Variants in KLF16 observed in about 807,000 individuals in gnomAD.
The protein encoded by KLF16 is Krueppel-like factor 16.
Under a neutral mutation model 6.1 loss-of-function variants are expected in KLF16, and 6 were observed. The ratio of observed to expected loss-of-function variants is 0.98; its 90% CI spans 0.54 to 1.93. The LOEUF is 1.93. Among genes scored for constraint, KLF16 ranks in the 30% most tolerant of loss-of-function variants. KLF16 has a pLI of 0.01. For synonymous variants in KLF16, 211 were observed against 176.5 expected (o/e 1.20, Z -1.55); for missense variants, 355 against 363.8 (o/e 0.98, Z 0.20).
the KLF16 span, among the ~76,000 whole-genome samples, chr19:1,872,872 T>G: frequency 6.6e-6 from 1 of 151,942 alleles, no homozygotes. Flanking sequence ...GACCAGGGGC[T>G]TGTGCTGGCC....
chr19:1,874,068 T>C, the KLF16 span, among the ~76,000 whole-genome samples: 5 of 152,372 alleles, frequency 3.3e-5, no homozygotes, highest in South Asian at 4.1e-4. Context: ...TCACAGTGTC[T>C]TGTGGAACTA....
At chr19:1,865,662 G>C (rs2012176920), upstream of KLF16, among the ~76,000 whole-genome samples, 1 of 152,132 alleles carries the variant, frequency 6.6e-6, no homozygotes, top group South Asian at 2.1e-4. Flanking sequence ...TCAAGTGAGT[G>C]GCCTCATCTG....
At chr19:1,864,035 T>A (rs2012137516), upstream of KLF16, among the ~76,000 whole-genome samples, 1 of 122,400 alleles carries the variant, frequency 8.2e-6, no homozygotes, top group South Asian at 2.9e-4. Flanking sequence ...ACGCCCCTCC[T>A]TCCGAGAGCG....
intron 1 of KLF16, among the ~76,000 whole-genome samples, chr19:1,856,950 C>CGGGGGGGGCG: frequency 2.3e-5 from 1 of 43,262 alleles, no homozygotes; most frequent in East Asian, 7.8e-4. Flanking sequence ...AGCAGGTTGC[C>CGGGGGGGGCG]GGGGTGGGGG....
chr19:1,854,796 G>A (rs199533995), intron 1 of KLF16, 36 bp from the exon 2 acceptor site: 4 of 1,590,572 alleles, frequency 2.5e-6, no homozygotes, highest in East Asian at 2.2e-5. Context: ...GCGGGTCAGC[G>A]GGGGCGGGGG....
chr19:1,875,008 G>A, the KLF16 span: 1 of 152,208 alleles, frequency 6.6e-6, no homozygotes, highest in South Asian at 2.1e-4. Context: ...TATACTTACA[G>A]GAAACACAAG....
At chr19:1,871,335 G>A in the KLF16 span, among the ~76,000 whole-genome samples, 1 of 152,152 alleles carries the variant, frequency 6.6e-6, no homozygotes, top group Non-Finnish European at 1.5e-5. Flanking sequence ...GCCGTAGCAG[G>A]AGGGACTGGA....
At chr19:1,866,485 A>G (rs2012190364), upstream of KLF16, among the ~76,000 whole-genome samples, 1 of 151,592 alleles carries the variant, frequency 6.6e-6, no homozygotes, top group African/African-American at 2.4e-5. Flanking sequence ...CTGGTGGCGC[A>G]TGCCTGTAAT....
rs2011883664 is a variant in KLF16, at chr19:1,853,663, G to A, written c.*796C>T. Reference sequence around the variant, plus strand: ...AGCCTCTCTCACCCACCCACCCAGAGAGGGCGAGCTAGGGCCCCCACACCC... The same window carrying A: ...AGCCTCTCTCACCCACCCACCCAGAAAGGGCGAGCTAGGGCCCCCACACCC... On this transcript the variant is annotated 3_prime_UTR_variant, in exon 2 of 2. Transcript: ENST00000250916. The A allele has an allele frequency of 6.5e-6, 1 of 152,726 alleles. No individual in the cohort carries two copies. The highest frequency in any genetic ancestry group is 1.5e-5 in the Non-Finnish European group (1 of 68,114). The allele number at this position is 152,726 out of a possible 1,614,324, so 9.5% of individuals were successfully genotyped here. A position where few individuals can be genotyped will look rare whatever the true frequency, so the allele number is the denominator to read the frequency against.
upstream of KLF16, among the ~76,000 whole-genome samples, chr19:1,868,274 T>C (rs1440373485): frequency 1.3e-5 from 2 of 151,932 alleles, no homozygotes; most frequent in East Asian, 1.9e-4. Flanking sequence ...ACGATGGCAA[T>C]GGGCCCCGGG....
Position 1,857,493 on chromosome 19 carries a change from G to A in KLF16, c.458-2733C>T, listed in dbSNP as rs1255890699. ...GCTGGGCCCGGGTGAGCTCAGGACA[G>A]CCTCGGAAACAGGCAGGCTCAGAAA... On this transcript the variant is annotated intron_variant, in intron 1 of 1. Transcript: ENST00000250916. This position sits in a 1 kb window ranked among gnomAD's most constrained non-coding sequence, Gnocchi z 4.7. Among the ~76,000 whole-genome samples the A allele has an allele frequency of 1.3e-5, 2 of 152,204 alleles. No individual in the cohort carries two copies. The highest frequency in any genetic ancestry group is 1.5e-5 in the Non-Finnish European group (1 of 68,026).
upstream of KLF16, among the ~76,000 whole-genome samples, chr19:1,868,487 T>A (rs1438438965): frequency 2.6e-5 from 2 of 78,350 alleles, no homozygotes; most frequent in African/African-American, 6.9e-5. Flanking sequence ...TTTTTTTTTT[T>A]TTTTTTTTTT....
At chr19:1,855,613 C>A (rs996612007) in intron 1 of KLF16, among the ~76,000 whole-genome samples, 1 of 152,248 alleles carries the variant, frequency 6.6e-6, no homozygotes, top group Admixed American at 6.5e-5. Context: ...CCTGCCTGTG[C>A]GCCTCCAGGC....
chr19:1,863,432 GC>G lies in KLF16; in HGVS notation c.65del (p.Gly22AlafsTer123). On this transcript the variant is annotated frameshift_variant, in exon 1 of 2. Coordinates refer to ENST00000250916, the MANE Select transcript of KLF16 (RefSeq NM_031918.4). LOFTEE classifies it high-confidence loss of function. ...AADVLMAISS[G>X]AVVHRGRPGP... ...CGGGCCGCCCGCGGTGCACCACGGC[GC>G]CCGAAGAGATGGCCATGAGCACGTC... The G allele has an allele frequency of 9.6e-7, 1 of 1,040,054 alleles. No individual in the cohort carries two copies. Among genetic ancestry groups the G allele is most frequent in the Non-Finnish European group, 1.2e-6 (1 of 862,796 alleles). The allele number at this position is 1,040,054 out of a possible 1,614,324, so 64.4% of individuals were successfully genotyped here.
chr19:1,873,757 G>A, the KLF16 span, among the ~76,000 whole-genome samples: 1 of 152,372 alleles, frequency 6.6e-6, no homozygotes, highest in South Asian at 2.1e-4. Flanking sequence ...CCACCCCTGC[G>A]GGGTCCTCCC....
chr19:1,862,646 G>C (rs544441306), intron 1 of KLF16: 1 of 205,544 alleles, frequency 4.9e-6, no homozygotes, highest in South Asian at 1.8e-4. Flanking sequence ...GGCTGGGGGA[G>C]GGGGAGAACC....
At chr19:1,872,355 C>G in the KLF16 span, among the ~76,000 whole-genome samples, 1 of 152,214 alleles carries the variant, frequency 6.6e-6, no homozygotes, top group Non-Finnish European at 1.5e-5. Flanking sequence ...TGGTCTCGAC[C>G]TCCTGACCTC....
rs2011986433 is a variant in KLF16 at position 1,857,851 on chromosome 19, C to T, written c.458-3091G>A. ...CTTACCCACCCAGGGAAGGGAGGAG[C>T]TCCTGAAGGTGATCCTTGAGCAGGT... On this transcript the variant is annotated intron_variant, in intron 1 of 1. Coordinates refer to ENST00000250916, the MANE Select transcript of KLF16 (RefSeq NM_031918.4). This position sits in a 1 kb window ranked among gnomAD's most constrained non-coding sequence, Gnocchi z 4.7. Among the ~76,000 whole-genome samples, 2 of 152,036 alleles carry T rather than the reference C, an allele frequency of 1.3e-5. No individual in the cohort carries two copies. Among genetic ancestry groups the T allele is most frequent in the South Asian group, 4.1e-4 (2 of 4,826 alleles).
At chr19:1,861,283 GCCAT>G (rs2145368535) in intron 1 of KLF16, among the ~76,000 whole-genome samples, 1 of 152,244 alleles carries the variant, frequency 6.6e-6, no homozygotes, top group African/African-American at 2.4e-5. Context: ...CTCAGGCCAC[GCCAT>G]CTGGCAAGAA....
Sources: gnomAD v4.1 joint callset for allele counts (sites outside exome capture counted in the v4.1 genomes callset) on GRCh38, gnomAD v4.1.1 for gene constraint, Gnocchi (gnomAD v3.1) non-coding constraint, MANE v1.5 for transcripts, NCBI Gene and HGNC (gene_info 2026-07-23, HGNC 2026-07-21) for gene names.